The following MECOM variants were observed in gnomAD, a reference collection of about 807,000 sequenced individuals.
The protein encoded by MECOM is histone-lysine N-methyltransferase MECOM.
MECOM carries 13 observed loss-of-function variants against 116.3 expected under a neutral mutation model. That is an observed-to-expected ratio of 0.11 (90% CI 0.07 to 0.18). The LOEUF (loss-of-function observed/expected upper bound fraction) is 0.18, where lower values mean the gene tolerates loss of function less well. Ranked by LOEUF, MECOM falls within the 10% of genes least tolerant of loss-of-function variation. The pLI, the probability that MECOM is intolerant of heterozygous loss-of-function variation, is 1.00. For missense variants in MECOM, 1,299 were observed against 1,509.0 expected (o/e 0.86, Z 2.31); for synonymous variants, 528 against 535.2 (o/e 0.99, Z 0.19).
chr3:169,599,331 T>C (rs888895487), intron 1 of MECOM, among the ~76,000 whole-genome samples: 5 of 151,996 alleles, frequency 3.3e-5, no homozygotes, highest in African/African-American at 1.2e-4. Flanking sequence ...CTGGCCAACA[T>C]GGTGAAACCC....
At chr3:169,277,216 G>A (rs939645643) in intron 2 of MECOM, among the ~76,000 whole-genome samples, 1 of 152,100 alleles carries the variant, frequency 6.6e-6, no homozygotes, top group Non-Finnish European at 1.5e-5. Flanking sequence ...AGTATTACAG[G>A]TGAAGGGTAT....
At chr3:169,183,341 C>G (rs1746232495) in intron 2 of MECOM, among the ~76,000 whole-genome samples, 1 of 152,122 alleles carries the variant, frequency 6.6e-6, no homozygotes, top group African/African-American at 2.4e-5. Context: ...GAGACATAGT[C>G]TCTCATCCCA....
At chr3:169,372,651 A>G (rs992890336) in intron 2 of MECOM, among the ~76,000 whole-genome samples, 5 of 152,020 alleles carry the variant, frequency 3.3e-5, no homozygotes, top group Admixed American at 2.6e-4. Flanking sequence ...CTTTTGCCCT[A>G]ATAACCCTAT....
intron 1 of MECOM, among the ~76,000 whole-genome samples, chr3:169,504,780 G>T (rs73174332): frequency 0.17 from 25,383 of 152,044 alleles, 2,275 homozygotes; most frequent in East Asian, 0.33. Context: ...AAACCAGGGG[G>T]TTCATGTTAC....
At chr3:169,590,891 C>A (rs77039505) in intron 1 of MECOM, among the ~76,000 whole-genome samples, 1 of 152,170 alleles carries the variant, frequency 6.6e-6, no homozygotes, top group Non-Finnish European at 1.5e-5. Context: ...AAATAGAAAG[C>A]GTCCCTACCA....
intron 16 of MECOM, among the ~76,000 whole-genome samples, chr3:169,086,851 T>A (rs899273072): frequency 6.6e-6 from 1 of 152,172 alleles, no homozygotes; most frequent in Non-Finnish European, 1.5e-5. Flanking sequence ...GACTAAAGCA[T>A]CTGAGCCTTT....
intron 6 of MECOM, among the ~76,000 whole-genome samples, chr3:169,122,087 G>A (rs1030450652): frequency 2.0e-5 from 3 of 152,178 alleles, no homozygotes; most frequent in African/African-American, 7.2e-5. Context: ...AGCACTGACA[G>A]AGGCTCTATA....
At chr3:169,268,150 TC>T (rs1267693564) in intron 2 of MECOM, among the ~76,000 whole-genome samples, 1 of 152,130 alleles carries the variant, frequency 6.6e-6, no homozygotes, top group Non-Finnish European at 1.5e-5. Flanking sequence ...TGAAACTAAA[TC>T]ATCTGGGATG....
At chr3:169,481,325 G>C (rs960576590) in intron 1 of MECOM, among the ~76,000 whole-genome samples, 1 of 152,136 alleles carries the variant, frequency 6.6e-6, no homozygotes, top group Admixed American at 6.5e-5. Context: ...GGACGAGGCG[G>C]GTGGATCAAT....
chr3:169,213,988 G>T (rs1245807230), intron 2 of MECOM, among the ~76,000 whole-genome samples: 2 of 152,060 alleles, frequency 1.3e-5, no homozygotes, highest in African/African-American at 4.8e-5. Flanking sequence ...ATGGATTTTA[G>T]TGTCCTTGAA....
Position 169,413,286 on chromosome 3 carries a change from A to G in MECOM, c.38-31762T>C, listed in dbSNP as rs924853662. On this transcript the variant is annotated intron_variant, in intron 1 of 16. Transcript: ENST00000651503. ...CTCCATCCCTTAGCCAAGGGAAGCC[A>G]TGAGGGACCGTGCCATGAGGGACTG... Among the ~76,000 whole-genome samples the G allele has an allele frequency of 2.0e-5, 3 of 152,248 alleles. No homozygotes were observed. In the East Asian group the frequency reaches 5.8e-4, roughly 30 times the overall value.
intron 2 of MECOM, among the ~76,000 whole-genome samples, chr3:169,231,095 G>A (rs976712307): frequency 6.6e-6 from 1 of 151,736 alleles, no homozygotes; most frequent in African/African-American, 2.4e-5. Flanking sequence ...TGACAATTCT[G>A]GATGTTATTG....
At chr3:169,639,626 T>A (rs1296721478) in intron 1 of MECOM, among the ~76,000 whole-genome samples, 1 of 152,236 alleles carries the variant, frequency 6.6e-6, no homozygotes, top group Non-Finnish European at 1.5e-5. Context: ...TCTTTATTAA[T>A]AACTAATATC....
intron 5 of MECOM, among the ~76,000 whole-genome samples, chr3:169,122,974 C>G (rs943378613): frequency 6.6e-6 from 1 of 152,058 alleles, no homozygotes; most frequent in African/African-American, 2.4e-5. Flanking sequence ...TCTGATACAG[C>G]TGGCAGGGAT....
At chr3:169,277,218 GAAGGGTATTC>G (rs1229718981) in intron 2 of MECOM, among the ~76,000 whole-genome samples, 4 of 152,178 alleles carry the variant, frequency 2.6e-5, no homozygotes, top group Non-Finnish European at 5.9e-5. Flanking sequence ...TATTACAGGT[GAAGGGTATTC>G]AAGGGTATTC....
chr3:169,253,816 C>T (rs1312226616), intron 2 of MECOM, among the ~76,000 whole-genome samples: 1 of 151,910 alleles, frequency 6.6e-6, no homozygotes, highest in East Asian at 1.9e-4. Flanking sequence ...AAATGATCTA[C>T]CCTAATCATA....
At chr3:169,200,003 T>C (rs1748939408) in intron 2 of MECOM, among the ~76,000 whole-genome samples, 1 of 150,870 alleles carries the variant, frequency 6.6e-6, no homozygotes, top group Non-Finnish European at 1.5e-5. Context: ...AATATCAAGA[T>C]ATAGTAAAAC....
At chr3:169,315,063 C>A (rs1719500680) in intron 2 of MECOM, among the ~76,000 whole-genome samples, 1 of 152,166 alleles carries the variant, frequency 6.6e-6, no homozygotes, top group Non-Finnish European at 1.5e-5. Flanking sequence ...CCCTGAGTAA[C>A]TTTCCAAGAC....
chr3:169,239,271 C>T (rs953299952), intron 2 of MECOM, among the ~76,000 whole-genome samples: 5 of 151,786 alleles, frequency 3.3e-5, no homozygotes, highest in African/African-American at 4.8e-5. Flanking sequence ...GAGAATTATG[C>T]TTGTGGTTTA....
Sources: gnomAD v4.1 joint callset for allele counts (sites outside exome capture counted in the v4.1 genomes callset) on GRCh38, gnomAD v4.1.1 for gene constraint, MANE v1.5 for transcripts, NCBI Gene and HGNC (gene_info 2026-07-23, HGNC 2026-07-21) for gene names.